The following L3HYPDH variants were observed in gnomAD, a reference collection of about 807,000 sequenced individuals.
L3HYPDH encodes the protein trans-3-hydroxy-L-proline dehydratase.
L3HYPDH carries 32 observed loss-of-function variants against 26.5 expected under a neutral mutation model. The observed-to-expected ratio is 1.21, with a 90% CI of 0.91 to 1.62. The LOEUF is 1.62. L3HYPDH is among the 40% of genes most tolerant of loss of function. The pLI, the probability that L3HYPDH is intolerant of heterozygous loss-of-function variation, is 0.00. For missense variants in L3HYPDH, 554 were observed against 476.4 expected (o/e 1.16, Z -1.52); for synonymous variants, 215 against 196.6 (o/e 1.09, Z -0.78).
downstream of L3HYPDH, chr14:59,472,516 T>C (rs919948997): frequency 6.5e-6 from 1 of 153,050 alleles, no homozygotes; most frequent in African/African-American, 2.4e-5. Context: ...TTGAGTACTT[T>C]ATAATAATCC....
chr14:59,478,080 A>G (rs1194063394), intron 2 of L3HYPDH, among the ~76,000 whole-genome samples: 1 of 152,238 alleles, frequency 6.6e-6, no homozygotes, highest in Admixed American at 6.5e-5. Flanking sequence ...TAGGAAAAAA[A>G]TAATAGGAAT....
chr14:59,469,845 A>T (rs1889269823), downstream of L3HYPDH, among the ~76,000 whole-genome samples: 2 of 152,086 alleles, frequency 1.3e-5, no homozygotes, highest in South Asian at 4.1e-4. Flanking sequence ...GAAATTAGGG[A>T]TGTGGATGTG....
Position 59,483,829 on chromosome 14 carries a change from G to C in L3HYPDH, c.488C>G (p.Pro163Arg). The C allele has an allele frequency of 1.9e-6, 3 of 1,590,834 alleles. No individual in the cohort carries two copies. Among genetic ancestry groups the C allele is most frequent in the Non-Finnish European group, 2.6e-6 (3 of 1,175,870 alleles). ...ATTACCTGTGGCCAGCACGAAGGCC[G>C]GGACGCTGTGGAAGCGCACCGGTCC... Reference protein sequence around the residue: ...SHGPVRFHSVPAFVLATDLMV... With the variant: ...SHGPVRFHSVRAFVLATDLMV... The change falls in exon 1 of 5, where the codon CCG becomes CGG. Residue 163 changes from proline to arginine, a missense_variant. Coordinates refer to ENST00000247194, the MANE Select transcript of L3HYPDH (RefSeq NM_144581.2).
chr14:59,484,862 T>A, upstream of L3HYPDH: 1 of 1,165,050 alleles, frequency 8.6e-7, no homozygotes, highest in Non-Finnish European at 1.2e-6. Flanking sequence ...TCCCTTAGTT[T>A]AATGTCGAGG....
chr14:59,482,327 A>C (rs1188366566), intron 1 of L3HYPDH, among the ~76,000 whole-genome samples: 1 of 152,156 alleles, frequency 6.6e-6, no homozygotes, highest in Non-Finnish European at 1.5e-5. Flanking sequence ...TAACTCAGTG[A>C]CCATTAATGC....
At chr14:59,498,257 A>G in the L3HYPDH span, among the ~76,000 whole-genome samples, 1 of 152,228 alleles carries the variant, frequency 6.6e-6, no homozygotes, top group African/African-American at 2.4e-5. Flanking sequence ...TGTATTAGGC[A>G]CAGTTAATTT....
At chr14:59,502,755 T>TG in the L3HYPDH span, among the ~76,000 whole-genome samples, 435 of 122,912 alleles carry the variant, frequency 3.5e-3, 45 homozygotes, top group Admixed American at 5.4e-3. Flanking sequence ...ATGAGATTTT[T>TG]TTTTTTTTTT....
chr14:59,471,860 T>C (rs11621886), downstream of L3HYPDH, among the ~76,000 whole-genome samples: 61,419 of 152,008 alleles, frequency 0.4, 13,455 homozygotes, highest in African/African-American at 0.57. Context: ...AGATAAGTGA[T>C]TTATTTACCA....
chr14:59,488,260 C>T (rs1890729687), upstream of L3HYPDH, among the ~76,000 whole-genome samples: 1 of 151,960 alleles, frequency 6.6e-6, no homozygotes, highest in Admixed American at 6.6e-5. Flanking sequence ...ATTTACTAAG[C>T]ACTGCATTTT....
chr14:59,484,555 T>G (rs1403390241), upstream of L3HYPDH: 1 of 1,567,464 alleles, frequency 6.4e-7, no homozygotes, highest in East Asian at 2.4e-5. Flanking sequence ...GATCCGCTGA[T>G]CTAGTGCTTC....
chr14:59,490,265 G>GT, the L3HYPDH span, among the ~76,000 whole-genome samples: 1 of 152,272 alleles, frequency 6.6e-6, no homozygotes, highest in African/African-American at 2.4e-5. Flanking sequence ...AACTCACAGA[G>GT]TGAGAACTCA....
At chr14:59,469,416 G>C (rs1465751965), downstream of L3HYPDH, among the ~76,000 whole-genome samples, 1 of 151,924 alleles carries the variant, frequency 6.6e-6, no homozygotes, top group South Asian at 2.1e-4. Context: ...TTAGCTGAAC[G>C]TAGTGGCAGG....
chr14:59,466,291 TG>T (rs2139787220), intron 1 of L3HYPDH, among the ~76,000 whole-genome samples: 1 of 152,272 alleles, frequency 6.6e-6, no homozygotes, highest in South Asian at 2.1e-4. Context: ...GGTACCTGGC[TG>T]GGAGATACGG....
At chr14:59,499,112 C>T in the L3HYPDH span, among the ~76,000 whole-genome samples, 1 of 145,314 alleles carries the variant, frequency 6.9e-6, no homozygotes, top group Non-Finnish European at 1.5e-5. Flanking sequence ...CAACCTCCGC[C>T]TCCTGGGTTC....
upstream of L3HYPDH, among the ~76,000 whole-genome samples, chr14:59,486,381 A>G (rs1263960184): frequency 6.6e-6 from 1 of 152,212 alleles, no homozygotes; most frequent in African/African-American, 2.4e-5. Context: ...ATTTAAAAAT[A>G]TATGTATATT....
chr14:59,485,265 CT>C, upstream of L3HYPDH: 1 of 674,830 alleles, frequency 1.5e-6, no homozygotes, highest in Non-Finnish European at 2.3e-6. Context: ...AATTCCTTAC[CT>C]TCTGCATTCT....
chr14:59,487,806 G>C (rs746564236), upstream of L3HYPDH: 1 of 1,613,630 alleles, frequency 6.2e-7, no homozygotes, highest in Non-Finnish European at 8.5e-7. Flanking sequence ...GTTCTTCATT[G>C]AATGGTACTC....
chr14:59,500,513 A>C, the L3HYPDH span, among the ~76,000 whole-genome samples: 21 of 152,234 alleles, frequency 1.4e-4, no homozygotes, highest in Non-Finnish European at 2.4e-4. Context: ...TAAAGTAGAG[A>C]TTGCAGGAAT....
the L3HYPDH span, among the ~76,000 whole-genome samples, chr14:59,503,262 C>T: frequency 2.0e-5 from 3 of 152,086 alleles, no homozygotes; most frequent in African/African-American, 7.2e-5. Context: ...AGTAACTAAC[C>T]TGTTGCAAAT....
Sources: allele counts gnomAD v4.1 joint callset (sites outside exome capture counted in the v4.1 genomes callset), GRCh38; gene constraint gnomAD v4.1.1; transcripts MANE v1.5; gene names NCBI Gene and HGNC (gene_info 2026-07-23, HGNC 2026-07-21).